DOCK1: variants seen among roughly 807,000 people sequenced by gnomAD.
DOCK1 encodes dedicator of cytokinesis protein 1.
DOCK1 carries 138 observed loss-of-function variants against 262.7 expected under a neutral mutation model. The observed-to-expected ratio is 0.53, with a 90% confidence interval of 0.46 to 0.61. The LOEUF is 0.61. Among genes scored for constraint, DOCK1 ranks in the 20% least tolerant of loss-of-function variants. DOCK1 has a pLI of 0.00. For missense variants in DOCK1, 1,908 were observed against 2,370.7 expected (o/e 0.80, Z 4.05); for synonymous variants, 866 against 867.4 (o/e 1.00, Z 0.03).
chr10:126,923,696 C>G (rs920884562), intron 1 of DOCK1, among the ~76,000 whole-genome samples: 2 of 152,240 alleles, frequency 1.3e-5, no homozygotes, highest in African/African-American at 4.8e-5. Context: ...GAGCGCCATT[C>G]TCGGCATCTC....
intron 25 of DOCK1, among the ~76,000 whole-genome samples, chr10:127,124,771 A>G (rs1472666309): frequency 2.0e-5 from 3 of 152,282 alleles, no homozygotes; most frequent in Admixed American, 6.5e-5. Context: ...GGCATCTTCT[A>G]CCTAGGAGAA....
intron 17 of DOCK1, 77 bp downstream of exon 17, chr10:127,031,830 C>T: frequency 1.6e-6 from 2 of 1,289,892 alleles, no homozygotes; most frequent in Non-Finnish European, 2.2e-6. Flanking sequence ...CTGGACCAAC[C>T]TTTCCCATCA....
chr10:127,066,100 G>A (rs969033630), intron 23 of DOCK1, among the ~76,000 whole-genome samples: 1 of 151,918 alleles, frequency 6.6e-6, no homozygotes, highest in African/African-American at 2.4e-5. Flanking sequence ...CTTTGCCCTC[G>A]GCGTTTCTCT....
chr10:127,425,207 G>A (rs1396235744), intron 46 of DOCK1, among the ~76,000 whole-genome samples: 1 of 152,142 alleles, frequency 6.6e-6, no homozygotes, highest in Non-Finnish European at 1.5e-5. Flanking sequence ...AGAGACCAGG[G>A]ACAGAAAGGG....
intron 23 of DOCK1, among the ~76,000 whole-genome samples, chr10:127,103,256 C>T (rs2048353640): frequency 6.6e-6 from 1 of 152,156 alleles, no homozygotes. Flanking sequence ...GGTTTTGTAA[C>T]CGTCATAGGT....
chr10:127,052,701 A>G lies in DOCK1; in HGVS notation c.2222A>G (p.Lys741Arg), dbSNP rs1470106864. Reference sequence around the variant, plus strand: ...AATAGGAAGTTGACAAAAGTGTTGAAGAACTACGTGGACGGTGCTGAGAAG... The same window carrying G: ...AATAGGAAGTTGACAAAAGTGTTGAGGAACTACGTGGACGGTGCTGAGAAG... The part of the protein sequence containing the change: ...LAYTKLTKVL[K>R]NYVDGAEKPG... Residue 741 changes from lysine to arginine, a missense_variant, in exon 22 of 52, where the codon AAG becomes AGG. Around this residue, in one of 9 missense-constraint regions of DOCK1, gnomAD observed 518 missense variants for 575.1 expected, o/e 0.90. Coordinates refer to ENST00000623213, the MANE Select transcript of DOCK1 (RefSeq NM_001290223.2). 1.9e-6 allele frequency: 3 copies of G among 1,613,856 alleles called. No individual in the cohort carries two copies. The highest frequency in any genetic ancestry group is 2.5e-6 in the Non-Finnish European group (3 of 1,179,886).
At chr10:127,261,371 ATGTGGGTGTG>A (rs1353250338) in intron 29 of DOCK1, among the ~76,000 whole-genome samples, 11 of 71,786 alleles carry the variant, frequency 1.5e-4, no homozygotes, top group South Asian at 5.0e-4. Context: ...GTGTGTGTGC[ATGTGGGTGTG>A]TGTGTACCTG....
Position 127,175,096 on chromosome 10 carries a change from A to T in DOCK1, c.2847+47332A>T. ...GAGCTCGCCACGCCCTTAGACTATGACCTGTTTACGGAAATGCTGGCTTTA... is the reference window on the plus strand; with the variant it reads ...GAGCTCGCCACGCCCTTAGACTATGTCCTGTTTACGGAAATGCTGGCTTTA... On this transcript the variant is annotated intron_variant, in intron 27 of 51. Transcript: ENST00000623213. This position sits in a 1 kb window ranked among gnomAD's most constrained non-coding sequence, Gnocchi z 6.3. The T allele has an allele frequency of 1.1e-6, 1 of 892,218 alleles. No homozygotes were observed. The highest frequency in any genetic ancestry group is 1.8e-6 in the Non-Finnish European group (1 of 563,988). 55.3% of individuals were successfully genotyped at this position (892,218 alleles called of 1,614,324 possible).
At chr10:126,917,944 C>T (rs938404570) in intron 1 of DOCK1, among the ~76,000 whole-genome samples, 2 of 152,222 alleles carry the variant, frequency 1.3e-5, no homozygotes, top group African/African-American at 2.4e-5. Context: ...TGATGGAACT[C>T]TGGGTATGAG....
chr10:126,983,964 GGA>G (rs2039165005), intron 4 of DOCK1, among the ~76,000 whole-genome samples: 1 of 152,222 alleles, frequency 6.6e-6, no homozygotes, highest in South Asian at 2.1e-4. Context: ...CTGCAGCCTT[GGA>G]CACGTTGGTC....
chr10:127,262,275 T>G lies in DOCK1; in HGVS notation c.3044+4846T>G, dbSNP rs543168549. Among the ~76,000 whole-genome samples the G allele has an allele frequency of 4.7e-4, 71 of 151,850 alleles. 1 individual carries two copies. The highest frequency in any genetic ancestry group is 1.6e-3 in the African/African-American group (67 of 41,384). On this transcript the variant is annotated intron_variant, in intron 29 of 51. Transcript: ENST00000623213. ...GTACCTGCATGTGTGTGCATGTGGCTGTGTGTGTGTACCTGTGTGCTGAGG... is the reference window on the plus strand; with the variant it reads ...GTACCTGCATGTGTGTGCATGTGGCGGTGTGTGTGTACCTGTGTGCTGAGG...
At chr10:127,154,564 T>A (rs2052846616) in intron 27 of DOCK1, among the ~76,000 whole-genome samples, 1 of 152,252 alleles carries the variant, frequency 6.6e-6, no homozygotes, top group Admixed American at 6.5e-5. Context: ...ATTTTGCCTC[T>A]TGGTCTGCAA....
chr10:127,125,033 C>T (rs1467541718), intron 25 of DOCK1, among the ~76,000 whole-genome samples: 1 of 151,980 alleles, frequency 6.6e-6, no homozygotes, highest in Non-Finnish European at 1.5e-5. Context: ...GGGAGAATGG[C>T]GTGAACCTGG....
intron 34 of DOCK1, 70 bp from the exon 35 acceptor site, chr10:127,373,988 T>G: frequency 1.7e-5 from 26 of 1,538,106 alleles, no homozygotes; most frequent in Non-Finnish European, 2.2e-5. Flanking sequence ...TGGAAAATAG[T>G]TAAAATTGCA....
chr10:127,421,693 T>C lies in DOCK1; in HGVS notation c.4776+1944T>C, dbSNP rs1221223425. The stretch of plus-strand genomic sequence containing the variant: ...TGTGTCTCTATGAATTTGCCTACTC[T>C]AGATAGCTTATATGAGTGGAATCAT... On this transcript the variant is annotated intron_variant, in intron 46 of 51. Coordinates refer to ENST00000623213, the MANE Select transcript of DOCK1 (RefSeq NM_001290223.2). Among the ~76,000 whole-genome samples, 9 of 152,320 alleles carry C rather than the reference T, an allele frequency of 5.9e-5. No individual in the cohort carries two copies. In the East Asian group the frequency reaches 1.5e-3, roughly 26 times the overall value.
intron 32 of DOCK1, among the ~76,000 whole-genome samples, chr10:127,361,344 G>C (rs1192364089): frequency 6.6e-6 from 1 of 152,024 alleles, no homozygotes; most frequent in East Asian, 1.9e-4. Context: ...TCGATCTCCT[G>C]ACCTCGTGAT....
At chr10:127,110,581 A>C (rs1409338362) in intron 25 of DOCK1, among the ~76,000 whole-genome samples, 1 of 152,226 alleles carries the variant, frequency 6.6e-6, no homozygotes, top group Admixed American at 6.5e-5. Flanking sequence ...TTTGTAATTT[A>C]GGTATACACC....
chr10:127,326,286 A>G (rs2062745724), intron 29 of DOCK1, among the ~76,000 whole-genome samples: 1 of 152,228 alleles, frequency 6.6e-6, no homozygotes, highest in South Asian at 2.1e-4. Flanking sequence ...TTTTACACAC[A>G]CTAAAACTTC....
chr10:127,093,219 T>TTTC (rs149382008), intron 23 of DOCK1, among the ~76,000 whole-genome samples: 10,521 of 61,780 alleles, frequency 0.17, 1,167 homozygotes, highest in African/African-American at 0.33. Context: ...TCTTTCTTTC[T>TTTC]TTTCTTTCTT....
Sources: allele counts gnomAD v4.1 joint callset (sites outside exome capture counted in the v4.1 genomes callset), GRCh38; gene constraint gnomAD v4.1.1; regional missense constraint gnomAD v4.1.1; non-coding constraint Gnocchi (gnomAD v3.1); transcripts MANE v1.5; gene names NCBI Gene and HGNC (gene_info 2026-07-23, HGNC 2026-07-21).